Variants in HRH1 observed in about 807,000 individuals in gnomAD.
The protein encoded by HRH1 is histamine H1 receptor.
A neutral mutation model predicts 10.3 loss-of-function variants in HRH1; 6 were observed. The observed-to-expected ratio is 0.58, with a 90% CI of 0.32 to 1.15. HRH1 has a LOEUF of 1.15. Among genes scored for constraint, HRH1 ranks in the 50% most tolerant of loss-of-function variants. The pLI is 0.05. For synonymous variants in HRH1, 242 were observed against 236.7 expected (o/e 1.02, Z -0.21); for missense variants, 514 against 615.3 (o/e 0.84, Z 1.74).
chr3:11,144,484 C>CATATAGAGATATAG (rs1574968646), intron 1 of HRH1, among the ~76,000 whole-genome samples: 1 of 21,084 alleles, frequency 4.7e-5, no homozygotes. Flanking sequence ...CATATATATA[C>CATATAGAGATATAG]ACACACACAC....
chr3:11,211,794 T>C (rs1011610959), intron 1 of HRH1, among the ~76,000 whole-genome samples: 3 of 152,192 alleles, frequency 2.0e-5, no homozygotes, highest in African/African-American at 4.8e-5. Flanking sequence ...TGAGAAAGGA[T>C]TGGAGTCACT....
At chr3:11,173,695 A>T (rs1464986684) in intron 1 of HRH1, among the ~76,000 whole-genome samples, 2 of 152,214 alleles carry the variant, frequency 1.3e-5, no homozygotes, top group African/African-American at 4.8e-5. Flanking sequence ...TGCTTGACTT[A>T]ACTCAATGTT....
chr3:11,248,863 C>G (rs1939559315), intron 1 of HRH1, among the ~76,000 whole-genome samples: 1 of 152,168 alleles, frequency 6.6e-6, no homozygotes, highest in Non-Finnish European at 1.5e-5. Flanking sequence ...CAGCTCATGC[C>G]TCGTTGGTCA....
chr3:11,226,446 A>G (rs1219166088), intron 1 of HRH1: 1 of 152,290 alleles, frequency 6.6e-6, no homozygotes, highest in Non-Finnish European at 1.5e-5. Flanking sequence ...GAGGATGAGC[A>G]GGTGATGCTG....
chr3:11,246,020 TCA>T (rs1232106653), intron 1 of HRH1, among the ~76,000 whole-genome samples: 61 of 146,666 alleles, frequency 4.2e-4, no homozygotes, highest in Non-Finnish European at 2.9e-4. Flanking sequence ...ACACATACAC[TCA>T]CACTCATACA....
chr3:11,228,648 G>A (rs182999852), intron 1 of HRH1, among the ~76,000 whole-genome samples: 9 of 152,228 alleles, frequency 5.9e-5, no homozygotes, highest in Admixed American at 5.9e-4. Context: ...CGAGCACAGT[G>A]GCTCATGCCT....
chr3:11,198,899 TTTATAC>T (rs1336235693), intron 1 of HRH1, among the ~76,000 whole-genome samples: 3 of 128,952 alleles, frequency 2.3e-5, no homozygotes, highest in African/African-American at 9.7e-5. Flanking sequence ...TCTCTCTCTC[TTTATAC>T]ACACACACAC....
chr3:11,193,405 G>A (rs778575624), intron 1 of HRH1, among the ~76,000 whole-genome samples: 17 of 152,210 alleles, frequency 1.1e-4, no homozygotes, highest in Admixed American at 1.3e-4. Flanking sequence ...AGTCCATTCA[G>A]GCTGCTATAA....
chr3:11,249,915 A>C (rs1939592283), intron 1 of HRH1, among the ~76,000 whole-genome samples: 1 of 152,210 alleles, frequency 6.6e-6, no homozygotes, highest in Non-Finnish European at 1.5e-5. Flanking sequence ...CACAGGGTAT[A>C]ACAAGACAAG....
intron 1 of HRH1, among the ~76,000 whole-genome samples, chr3:11,184,917 CA>C (rs11360744): frequency 0.25 from 29,699 of 117,232 alleles, 3,284 homozygotes; most frequent in Non-Finnish European, 0.32. Context: ...GACTCCATTT[CA>C]AAAAAAAAAA....
intron 1 of HRH1, among the ~76,000 whole-genome samples, chr3:11,219,882 G>A (rs1938644873): frequency 6.7e-6 from 1 of 149,384 alleles, no homozygotes; most frequent in South Asian, 2.1e-4. Context: ...GTTAGACCTT[G>A]TCAAAATGCT....
chr3:11,187,717 T>A (rs2125019905), intron 1 of HRH1, among the ~76,000 whole-genome samples: 1 of 152,288 alleles, frequency 6.6e-6, no homozygotes, highest in Non-Finnish European at 1.5e-5. Context: ...CAATCCTCAA[T>A]CCCAACCCTC....
chr3:11,220,566 C>A lies in HRH1; in HGVS notation c.-35-38437C>A, dbSNP rs1041643396. ...CCATGCACACCGGCAGGTGAAAATG[C>A]ACCTTAGACACACAGCTGAGACGGT... On this transcript the variant is annotated intron_variant, in intron 1 of 1. Transcript: ENST00000431010. Among the ~76,000 whole-genome samples, 7 of 152,346 alleles carry A rather than the reference C, an allele frequency of 4.6e-5. No homozygotes were observed. In the Middle Eastern group the frequency reaches 0.01, roughly 222 times the overall value.
chr3:11,145,013 A>C (rs1354992972), intron 1 of HRH1, among the ~76,000 whole-genome samples: 1 of 152,132 alleles, frequency 6.6e-6, no homozygotes, highest in Non-Finnish European at 1.5e-5. Context: ...GCTGGTTACC[A>C]AAGTCTTCCT....
chr3:11,207,090 T>G (rs1404250823), intron 1 of HRH1, among the ~76,000 whole-genome samples: 1 of 151,680 alleles, frequency 6.6e-6, no homozygotes, highest in Non-Finnish European at 1.5e-5. Context: ...GCAGGTGCAG[T>G]GGCATGGAGG....
intron 1 of HRH1, among the ~76,000 whole-genome samples, chr3:11,242,948 T>C (rs946511116): frequency 6.6e-6 from 1 of 152,008 alleles, no homozygotes; most frequent in African/African-American, 2.4e-5. Context: ...GGAGTCTTGC[T>C]CTGTCACCAG....
upstream of HRH1, among the ~76,000 whole-genome samples, chr3:11,151,884 GC>G: frequency 6.6e-6 from 1 of 152,312 alleles, no homozygotes; most frequent in Middle Eastern, 3.4e-3. Context: ...GCTCAGAGAA[GC>G]AAAGTAAACA....
intron 1 of HRH1, among the ~76,000 whole-genome samples, chr3:11,211,891 A>G (rs1938338008): frequency 6.6e-6 from 1 of 152,240 alleles, no homozygotes; most frequent in South Asian, 2.1e-4. Flanking sequence ...AGGCTGTATC[A>G]GAATCATTGG....
At chr3:11,254,612 G>C (rs1262389183) in intron 1 of HRH1, among the ~76,000 whole-genome samples, 1 of 152,108 alleles carries the variant, frequency 6.6e-6, no homozygotes, top group East Asian at 1.9e-4. Context: ...GGTGGGTCTC[G>C]ATCCCTTACC....
Sources: gnomAD v4.1 joint callset for allele counts (sites outside exome capture counted in the v4.1 genomes callset) on GRCh38, gnomAD v4.1.1 for gene constraint, MANE v1.5 for transcripts, NCBI Gene and HGNC (gene_info 2026-07-23, HGNC 2026-07-21) for gene names.